Variants in RBP3 observed in about 807,000 individuals in gnomAD.
RBP3 encodes retinol binding protein 3.
In RBP3, 50 loss-of-function variants were observed where a neutral mutation model predicts 64.8. The ratio of observed to expected loss-of-function variants is 0.77; its 90% CI spans 0.61 to 0.98. The LOEUF (loss-of-function observed/expected upper bound fraction) is 0.98. Ranked by LOEUF, RBP3 falls within the 50% of genes least tolerant of loss-of-function variation. The pLI is 0.00. For missense variants in RBP3, 1,712 were observed against 1,660.5 expected, an observed-to-expected ratio of 1.03 and a Z score of -0.54; for synonymous variants, 828 against 730.2, an observed-to-expected ratio of 1.13 and a Z score of -2.16.
chr10:47,348,926 G>A lies in RBP3; in HGVS notation c.442G>A (p.Gly148Arg). 6.2e-7 allele frequency: 1 copy of A among 1,613,850 alleles called. No individual in the cohort carries two copies. The highest frequency in any genetic ancestry group is 1.3e-5 in the African/African-American group (1 of 75,044). Residue 148 changes from glycine to arginine, a missense_variant, in exon 1 of 4, where the codon GGG becomes AGG. Physicochemically the swap from Gly to Arg is moderately radical, Grantham distance 125. Transcript: ENST00000584701. ...GGGCCAGGAGGTGCTGAGCATGATG[G>A]GGGAGTTCCTGGTGGCCCACGTGTG... ...VPGQEVLSMM[G>R]EFLVAHVWGN... is the part of the protein sequence containing the mutation.
chr10:47,352,219 G>T (rs547094431), intron 1 of RBP3, among the ~76,000 whole-genome samples: 4 of 152,334 alleles, frequency 2.6e-5, no homozygotes, highest in African/African-American at 9.6e-5. Context: ...TGACAGGCAG[G>T]TGCCTCAAAG....
In RBP3 at chr10:47,349,751, C is replaced by G; in HGVS notation, c.1267C>G (p.Gln423Glu). 1 of 1,612,888 alleles carries G rather than the reference C, an allele frequency of 6.2e-7. No individual in the cohort carries two copies. The highest frequency in any genetic ancestry group is 8.5e-7 in the Non-Finnish European group (1 of 1,180,032). Reference sequence around the variant, plus strand: ...GTTGCCTGAGGACGAGGCTATCCGGCAAGCACTGGTGGACTCTGTGTTCCA... The same window carrying G: ...GTTGCCTGAGGACGAGGCTATCCGGGAAGCACTGGTGGACTCTGTGTTCCA... ...PELPEDEAIR[Q>E]ALVDSVFQVS... Residue 423 changes from glutamine (Q) to glutamate (E), a missense_variant, in exon 1 of 4, where the codon CAA becomes GAA. Gln to Glu is a conservative substitution (Grantham distance 29, BLOSUM62 2). Transcript: ENST00000584701.
rs1328781552 is a variant in RBP3, at chr10:47,349,449, T to G, written c.965T>G (p.Leu322Arg). The stretch of plus-strand genomic sequence containing the variant: ...GAGAAAGCCCTGGCCATCCTCACTC[T>G]GCGCAGCGCCCTTCCAGGGGTAGTC... ...ALEKALAILTLRSALPGVVHC... is the reference protein window; with the variant it reads ...ALEKALAILTRRSALPGVVHC... The change falls in exon 1 of 4, where the codon CTG becomes CGG. Residue 322 changes from leucine (L) to arginine (R), a missense_variant. Physicochemically the swap from Leu to Arg is moderately radical, Grantham distance 102. Transcript: ENST00000584701. 1.6e-5 allele frequency: 25 copies of G among 1,612,412 alleles called. No individual in the cohort carries two copies. Among genetic ancestry groups the G allele is most frequent in the Non-Finnish European group, 2.0e-5 (24 of 1,179,996 alleles).
chr10:47,349,678 G>T lies in RBP3; in HGVS notation c.1194G>T (p.Trp398Cys). Residue 398 changes from tryptophan (W) to cysteine (C), a missense_variant, in exon 1 of 4, where the codon TGG becomes TGT. Transcript: ENST00000584701. ...RAIGPTETPSWPAPDAAAEDS... is the reference protein window; with the variant it reads ...RAIGPTETPSCPAPDAAAEDS... ...TCGGGCCCACAGAAACTCCTTCTTG[G>T]CCCGCGCCCGACGCTGCAGCCGAAG... 1 of 1,611,640 alleles carries T rather than the reference G, an allele frequency of 6.2e-7. No individual in the cohort carries two copies. The highest frequency in any genetic ancestry group is 2.2e-5 in the East Asian group (1 of 44,862).
At chr10:47,353,581 T>A in intron 2 of RBP3, 66 bp downstream of exon 2, 1 of 1,578,296 alleles carries the variant, frequency 6.3e-7, no homozygotes, top group Non-Finnish European at 8.7e-7. Context: ...GTCAAAGCTA[T>A]GGGCCACAGC....
At chr10:47,353,957 C>CA (rs1213760381) in intron 2 of RBP3, among the ~76,000 whole-genome samples, 20 of 152,330 alleles carry the variant, frequency 1.3e-4, no homozygotes, top group Non-Finnish European at 2.6e-4. Context: ...CCAGGCCCCC[C>CA]ACCTGGGAGT....
At position 47,348,825 on chromosome 10, in the gene RBP3, T is replaced by C. The variant is rs782471071; in HGVS notation, c.341T>C (p.Leu114Pro). 1.2e-5 allele frequency: 20 copies of C among 1,613,746 alleles called. No homozygotes were observed. Among genetic ancestry groups the C allele is most frequent in the Admixed American group, 8.3e-5 (5 of 60,010 alleles). Residue 114 changes from leucine to proline, a missense_variant, in exon 1 of 4, where the codon CTT (leucine) becomes CCT (proline). Physicochemically the swap from Leu to Pro is moderately conservative, Grantham distance 98. Coordinates refer to ENST00000584701, the MANE Select transcript of RBP3 (RefSeq NM_002900.3). Reference protein sequence around the residue: ...ALTSLSEEELLAWLQRGLRHE... With the variant: ...ALTSLSEEELPAWLQRGLRHE... The stretch of plus-strand genomic sequence containing the variant: ...ACCAGCCTCTCAGAAGAGGAACTGC[T>C]TGCCTGGCTGCAAAGGGGCCTCCGC...
At position 47,349,430 on chromosome 10, in the gene RBP3, G is replaced by A; in HGVS notation, c.946G>A (p.Ala316Thr). 1 of 1,612,230 alleles carries A rather than the reference G, an allele frequency of 6.2e-7. No individual in the cohort carries two copies. The highest frequency in any genetic ancestry group is 8.5e-7 in the Non-Finnish European group (1 of 1,180,012). ...TCCGGCCGAGCAGGCCCTGGAGAAA[G>A]CCCTGGCCATCCTCACTCTGCGCAG... is the stretch of plus-strand genomic sequence containing the variant. ...GTPAEQALEK[A>T]LAILTLRSAL... The change falls in exon 1 of 4, where the codon GCC becomes ACC. Residue 316 changes from alanine (A) to threonine (T), a missense_variant. By Grantham distance (58) the Ala-to-Thr change is moderately conservative. Transcript: ENST00000584701.
rs782814039 is a variant in RBP3, at chr10:47,349,320, C to T, written c.836C>T (p.Thr279Met). The change falls in exon 1 of 4, where the codon ACG becomes ATG. Residue 279 changes from threonine (T) to methionine (M), a missense_variant. Thr to Met is a moderately conservative substitution (Grantham distance 81). Transcript: ENST00000584701. ...LRIGESDFFF[T>M]VPVSRSLGPL... ...ATAGGCGAGTCTGACTTCTTCTTCA[C>T]GGTGCCCGTGTCCAGGTCCCTGGGG... The T allele has an allele frequency of 1.2e-5, 20 of 1,612,566 alleles. No homozygotes were observed. Among genetic ancestry groups the T allele is most frequent in the Admixed American group, 3.3e-5 (2 of 59,996 alleles).
Position 47,355,305 on chromosome 10 carries a change from C to T in RBP3, c.3246-71C>T, listed in dbSNP as rs192736051. 30 of 1,598,764 alleles carry T rather than the reference C, an allele frequency of 1.9e-5. No homozygotes were observed. In the East Asian group the frequency reaches 6.5e-4, roughly 35 times the overall value. On this transcript the variant is annotated intron_variant, in intron 2 of 3. Transcript: ENST00000584701. ...ACCCTCCATGGGACAAAGATCCTGG[C>T]CTCCCCGAGGGGCACACAGGGCCTC...
In RBP3 at chr10:47,348,662, G is replaced by A. The variant is rs781839151; in HGVS notation, c.178G>A (p.Glu60Lys). 2.5e-6 allele frequency: 4 copies of A among 1,613,630 alleles called. No individual in the cohort carries two copies. The highest frequency in any genetic ancestry group is 3.4e-6 in the Non-Finnish European group (4 of 1,180,026). ...EAIQQAIKSH[E>K]ILSISDPQTL... ...CATCCAGCAGGCCATCAAGAGCCATGAGATTCTGAGCATCTCAGACCCGCA... is the reference window on the plus strand; with the variant it reads ...CATCCAGCAGGCCATCAAGAGCCATAAGATTCTGAGCATCTCAGACCCGCA... The change falls in exon 1 of 4, where the codon GAG (glutamate) becomes AAG (lysine). Residue 60 changes from glutamate to lysine, a missense_variant. Transcript: ENST00000584701.
intron 2 of RBP3, among the ~76,000 whole-genome samples, chr10:47,353,954 C>A (rs1199139863): frequency 1.3e-5 from 2 of 152,188 alleles, no homozygotes; most frequent in African/African-American, 4.8e-5. Context: ...CAGCCAGGCC[C>A]CCCACCTGGG....
intron 2 of RBP3, among the ~76,000 whole-genome samples, chr10:47,354,688 C>T (rs781886311): frequency 6.6e-6 from 1 of 152,198 alleles, no homozygotes; most frequent in African/African-American, 2.4e-5. Context: ...GACCCTCCCA[C>T]CCCTGAGGTT....
At chr10:47,354,083 G>C (rs889406020) in intron 2 of RBP3, among the ~76,000 whole-genome samples, 5 of 152,360 alleles carry the variant, frequency 3.3e-5, no homozygotes, top group Non-Finnish European at 5.9e-5. Context: ...GTTAACAAAA[G>C]AATTCTTTGC....
At position 47,349,865 on chromosome 10, in the gene RBP3, C is replaced by T; in HGVS notation, c.1381C>T (p.Leu461=). 1.2e-6 allele frequency: 2 copies of T among 1,613,168 alleles called. No homozygotes were observed. Among genetic ancestry groups the T allele is most frequent in the Non-Finnish European group, 1.7e-6 (2 of 1,179,996 alleles). ...CCTGGGTGTGTTGGCCCCATATGTCCTGCGCCAGGTGTGGGAGCCGCTACA... is the reference window on the plus strand; with the variant it reads ...CCTGGGTGTGTTGGCCCCATATGTCTTGCGCCAGGTGTGGGAGCCGCTACA... ...SVLGVLAPYV[L]RQVWEPLQDT... is the part of the protein sequence containing the mutation. Residue 461 remains leucine, a synonymous_variant, in exon 1 of 4, where the codon CTG becomes TTG. Coordinates refer to ENST00000584701, the MANE Select transcript of RBP3 (RefSeq NM_002900.3).
chr10:47,355,532 C>A lies in RBP3; in HGVS notation c.3388+14C>A, dbSNP rs782473353. The A allele has an allele frequency of 3.7e-6, 6 of 1,613,998 alleles. No individual in the cohort carries two copies. The highest frequency in any genetic ancestry group is 1.1e-5 in the South Asian group (1 of 91,092). The stretch of plus-strand genomic sequence containing the variant: ...CCCAGGTTGTAGGTACGTGGAGAAG[C>A]TTTCTCCTTTCTGCTGTCATTCTAG... On this transcript the variant is annotated intron_variant, in intron 3 of 3. Coordinates refer to ENST00000584701, the MANE Select transcript of RBP3 (RefSeq NM_002900.3).
rs782060588 is a variant in RBP3, at chr10:47,348,872, G to A, written c.388G>A (p.Val130Met). The change falls in exon 1 of 4, where the codon GTG (valine) becomes ATG (methionine). Residue 130 changes from valine (V) to methionine (M), a missense_variant. Transcript: ENST00000584701. ...CCGCCATGAGGTTCTGGAGGGTAAT[G>A]TGGGCTACCTGCGGGTGGACAGCGT... ...GLRHEVLEGN[V>M]GYLRVDSVPG... 7 of 1,613,822 alleles carry A rather than the reference G, an allele frequency of 4.3e-6. No homozygotes were observed. In the African/African-American group the frequency reaches 5.3e-5, roughly 12 times the overall value.
Position 47,349,107 on chromosome 10 carries a change from C to A in RBP3, c.623C>A (p.Thr208Lys). 6.2e-7 allele frequency: 1 copy of A among 1,614,076 alleles called. No homozygotes were observed. Among genetic ancestry groups the A allele is most frequent in the East Asian group, 2.2e-5 (1 of 44,876 alleles). The change falls in exon 1 of 4, where the codon ACG becomes AAG. Residue 208 changes from threonine to lysine, a missense_variant. Thr to Lys is a moderately conservative substitution (Grantham distance 78). Coordinates refer to ENST00000584701, the MANE Select transcript of RBP3 (RefSeq NM_002900.3). Reference protein sequence around the residue: ...TIYNRPSNTTTEIWTLPQVLG... With the variant: ...TIYNRPSNTTKEIWTLPQVLG... ...TACAACCGCCCCTCCAACACCACCA[C>A]GGAGATCTGGACCTTGCCCCAGGTC...
At position 47,357,708 on chromosome 10, in the gene RBP3, T is replaced by C. The variant is rs1837070759; in HGVS notation, c.*251T>C. On this transcript the variant is annotated 3_prime_UTR_variant, in exon 4 of 4. Coordinates refer to ENST00000584701, the MANE Select transcript of RBP3 (RefSeq NM_002900.3). Reference sequence around the variant, plus strand: ...CCACCTAAATTTTAACAAAGGTTCCTTCTAAGTGGTAGAACTTGGGGTGGT... The same window carrying C: ...CCACCTAAATTTTAACAAAGGTTCCCTCTAAGTGGTAGAACTTGGGGTGGT... 2.6e-6 allele frequency: 1 copy of C among 378,778 alleles called. No homozygotes were observed. The highest frequency in any genetic ancestry group is 2.0e-5 in the African/African-American group (1 of 48,874). 23.5% of individuals were successfully genotyped at this position (378,778 alleles called of 1,614,324 possible).
Sources: gnomAD v4.1 joint callset for allele counts (sites outside exome capture counted in the v4.1 genomes callset) on GRCh38, gnomAD v4.1.1 for gene constraint, MANE v1.5 for transcripts, NCBI Gene and HGNC (gene_info 2026-07-23, HGNC 2026-07-21) for gene names.